RNF14: variants seen among roughly 807,000 people sequenced by gnomAD.
RNF14 encodes E3 ubiquitin-protein ligase RNF14.
RNF14 carries 26 observed loss-of-function variants against 52.6 expected under a neutral mutation model. The observed-to-expected ratio is 0.49, with a 90% confidence interval of 0.36 to 0.69. The LOEUF (loss-of-function observed/expected upper bound fraction) is 0.69. RNF14 is among the 30% of genes least tolerant of loss of function. The pLI is 0.00. For synonymous variants in RNF14, 194 were observed against 202.0 expected (o/e 0.96, Z 0.34); for missense variants, 404 against 560.4 (o/e 0.72, Z 2.82).
chr5:141,951,351 G>A, the RNF14 span: 21 of 649,634 alleles, frequency 3.2e-5, no homozygotes, highest in South Asian at 3.6e-4. Flanking sequence ...TCCCAGGGTG[G>A]GAGGATGGAT....
At chr5:141,957,731 G>T (rs1253410235), upstream of RNF14, 3 of 1,613,834 alleles carry the variant, frequency 1.9e-6, no homozygotes, top group Admixed American at 5.0e-5. The surrounding 1 kb of genome is among the most constrained non-coding windows in gnomAD (Gnocchi z 4.3). Flanking sequence ...GTACCAGATG[G>T]CACTTCCTCT....
intron 6 of RNF14, among the ~76,000 whole-genome samples, chr5:141,982,360 G>T (rs1367311159): frequency 1.3e-5 from 2 of 152,202 alleles, no homozygotes; most frequent in African/African-American, 2.4e-5. Context: ...TGATGAAGCT[G>T]TGGGAATGTA....
chr5:141,976,774 CTCTTTTTTTTTTTTT>C (rs1754296390), intron 4 of RNF14, among the ~76,000 whole-genome samples: 2 of 140,866 alleles, frequency 1.4e-5, no homozygotes, highest in African/African-American at 2.6e-5. Context: ...GCCTTTCTCT[CTCTTTTTTTTTTTTT>C]TTTTTTTTTT....
chr5:141,971,994 C>G (rs1753823798), intron 2 of RNF14, among the ~76,000 whole-genome samples: 1 of 152,034 alleles, frequency 6.6e-6, no homozygotes, highest in Admixed American at 6.5e-5. Flanking sequence ...GTAAATCTTT[C>G]TTAAAATTAT....
intron 6 of RNF14, among the ~76,000 whole-genome samples, chr5:141,981,242 T>G (rs974212353): frequency 2.6e-5 from 4 of 152,232 alleles, no homozygotes; most frequent in Non-Finnish European, 4.4e-5. Context: ...ATTGAGAGGG[T>G]TAGAAACTTT....
rs1336671476 is a variant in RNF14 at position 141,989,910 on chromosome 5, G to T, written c.*2120G>T. On this transcript the variant is annotated 3_prime_UTR_variant, in exon 9 of 9. Transcript: ENST00000394520. ...ATTTTATGTTAAGCTGTTATACATT[G>T]TTGATGATGTCATAGAAGTAGGAAA... is the stretch of plus-strand genomic sequence containing the variant. 6.6e-6 allele frequency: 1 copy of T among 152,094 alleles called. No homozygotes were observed. Among genetic ancestry groups the T allele is most frequent in the Non-Finnish European group, 1.5e-5 (1 of 68,012 alleles). The allele number at this position is 152,094 out of a possible 1,614,324, so 9.4% of individuals were successfully genotyped here.
upstream of RNF14, among the ~76,000 whole-genome samples, chr5:141,964,551 T>C (rs1753301679): frequency 6.6e-6 from 1 of 152,212 alleles, no homozygotes; most frequent in East Asian, 1.9e-4. Flanking sequence ...TTAAGCGTTA[T>C]TTATAATTGT....
chr5:141,955,926 A>G, upstream of RNF14: 1 of 1,614,162 alleles, frequency 6.2e-7, no homozygotes, highest in South Asian at 1.1e-5. The surrounding 1 kb of genome is among the most constrained non-coding windows in gnomAD (Gnocchi z 5.5). Flanking sequence ...GGTGGGCTTC[A>G]TTTCCACTGC....
the RNF14 span, among the ~76,000 whole-genome samples, chr5:141,950,696 G>A: frequency 6.6e-6 from 1 of 152,144 alleles, no homozygotes; most frequent in African/African-American, 2.4e-5. Context: ...AAAAGAAGCT[G>A]TAAGTTGTCA....
rs765971131 is a variant in RNF14 at position 141,978,349 on chromosome 5, G to A, written c.353G>A (p.Arg118His). 7.4e-6 allele frequency: 12 copies of A among 1,613,366 alleles called. No individual in the cohort carries two copies. Among genetic ancestry groups the A allele is most frequent in the African/African-American group, 2.7e-5 (2 of 75,028 alleles). The change falls in exon 5 of 9, where the codon CGT becomes CAT. Residue 118 changes from arginine to histidine, a missense_variant. Physicochemically the swap from Arg to His is conservative, Grantham distance 29. Coordinates refer to ENST00000394520, the MANE Select transcript of RNF14 (RefSeq NM_004290.5). ...KHLDNLWEEH[R>H]GSVVLFAWMQ... ...TTAGACAACCTATGGGAAGAACACC[G>A]TGGCAGCGTGGTCCTGTTTGCCTGG... is the stretch of plus-strand genomic sequence containing the variant.
upstream of RNF14, chr5:141,956,075 C>T (rs550140086): frequency 8.7e-6 from 14 of 1,614,142 alleles, no homozygotes; most frequent in South Asian, 3.3e-5. Flanking sequence ...TTGGGAGTCT[C>T]GATGGGCACC....
chr5:141,979,822 C>G (rs1754605980), intron 5 of RNF14, among the ~76,000 whole-genome samples: 1 of 152,098 alleles, frequency 6.6e-6, no homozygotes, highest in South Asian at 2.1e-4. Flanking sequence ...CCCAGGAGTT[C>G]AAGGCTGCAG....
At position 141,990,219 on chromosome 5, in the gene RNF14, T is replaced by G. The variant is rs1755512584; in HGVS notation, c.*2429T>G. ...GATTTGGGTAACTCCCCAAATGCCC[T>G]GTAAAACAAATGGGTTTGTGGAAGG... is the stretch of plus-strand genomic sequence containing the variant. On this transcript the variant is annotated 3_prime_UTR_variant, in exon 9 of 9. Transcript: ENST00000394520. The G allele has an allele frequency of 6.6e-6, 1 of 152,234 alleles. No homozygotes were observed. The highest frequency in any genetic ancestry group is 1.5e-5 in the Non-Finnish European group (1 of 68,040). The allele number at this position is 152,234 out of a possible 1,614,324, so 9.4% of individuals were successfully genotyped here.
chr5:141,971,564 TTTCTTTCTTTCTTTCTTTC>T (rs1487289218), intron 2 of RNF14, among the ~76,000 whole-genome samples: 20 of 10,218 alleles, frequency 2.0e-3, no homozygotes, highest in African/African-American at 0.01. Flanking sequence ...CTAATTTCTT[TTTCTTTCTTTCTTTCTTTC>T]TTTCTTTCTT....
intron 1 of RNF14, among the ~76,000 whole-genome samples, chr5:141,970,426 G>A (rs187523010): frequency 8.1e-4 from 124 of 152,292 alleles, no homozygotes; most frequent in Non-Finnish European, 7.1e-4. Flanking sequence ...TTGTTATGGG[G>A]CATGGTGTCC....
At chr5:141,956,919 G>A, upstream of RNF14, 1 of 1,614,158 alleles carries the variant, frequency 6.2e-7, no homozygotes. Flanking sequence ...TCTTTTCATA[G>A]TCTAGAGGTC....
intron 4 of RNF14, among the ~76,000 whole-genome samples, chr5:141,976,211 GT>G (rs2127002729): frequency 6.6e-6 from 1 of 152,348 alleles, no homozygotes; most frequent in South Asian, 2.1e-4. Flanking sequence ...TATCAAGACT[GT>G]TTGGCATTTA....
chr5:141,957,808 C>G (rs1753213362), upstream of RNF14: 1 of 1,603,206 alleles, frequency 6.2e-7, no homozygotes, highest in Non-Finnish European at 8.5e-7. The surrounding 1 kb of genome is among the most constrained non-coding windows in gnomAD (Gnocchi z 4.3). Context: ...TAAGTAGCCA[C>G]CTGGCCCCAA....
chr5:141,953,350 T>C (rs1753120843), upstream of RNF14: 1 of 152,216 alleles, frequency 6.6e-6, no homozygotes, highest in African/African-American at 2.4e-5. Flanking sequence ...AATGAGCTTA[T>C]TAATAAATCC....
Sources: gnomAD v4.1 joint callset for allele counts (sites outside exome capture counted in the v4.1 genomes callset) on GRCh38, gnomAD v4.1.1 for gene constraint, Gnocchi (gnomAD v3.1) non-coding constraint, MANE v1.5 for transcripts, NCBI Gene and HGNC (gene_info 2026-07-23, HGNC 2026-07-21) for gene names.